GPATCH8: variants seen among roughly 807,000 people sequenced by gnomAD.
GPATCH8 encodes G patch domain-containing protein 8.
In GPATCH8, 18 loss-of-function variants were observed where a neutral mutation model predicts 118.3. The ratio of observed to expected loss-of-function variants is 0.15; its 90% confidence interval spans 0.11 to 0.23. The LOEUF is 0.23. GPATCH8 is among the 10% of genes least tolerant of loss of function. The pLI is 1.00. For missense variants in GPATCH8, 1,631 were observed against 1,873.8 expected (o/e 0.87, Z 2.39); for synonymous variants, 659 against 684.7 (o/e 0.96, Z 0.59).
At chr17:44,477,424 G>A (rs2144394443) in intron 1 of GPATCH8, among the ~76,000 whole-genome samples, 1 of 152,084 alleles carries the variant, frequency 6.6e-6, no homozygotes, top group East Asian at 1.9e-4. Context: ...TTTAAGAGAA[G>A]GGGGTCTCAC....
At chr17:44,433,598 G>A (rs2050394767) in intron 5 of GPATCH8, among the ~76,000 whole-genome samples, 2 of 152,158 alleles carry the variant, frequency 1.3e-5, no homozygotes, top group South Asian at 2.1e-4. Context: ...AAAACCCAAA[G>A]GAGAAAATTT....
chr17:44,447,650 G>A (rs1283691338), intron 3 of GPATCH8, among the ~76,000 whole-genome samples: 1 of 145,054 alleles, frequency 6.9e-6, no homozygotes, highest in Non-Finnish European at 1.5e-5. Context: ...ACAGGTTCTA[G>A]CTCTATGGCT....
At chr17:44,413,870 T>C (rs2049545470) in intron 6 of GPATCH8, among the ~76,000 whole-genome samples, 1 of 152,150 alleles carries the variant, frequency 6.6e-6, no homozygotes, top group East Asian at 1.9e-4. Flanking sequence ...TCTGCCCGCC[T>C]TGGATTCCCA....
intron 6 of GPATCH8, among the ~76,000 whole-genome samples, chr17:44,423,459 T>C (rs536761081): frequency 2.5e-3 from 382 of 152,260 alleles, no homozygotes; most frequent in African/African-American, 8.8e-3. Flanking sequence ...TGAAATCTTA[T>C]GGTTGGTGGA....
intron 1 of GPATCH8, among the ~76,000 whole-genome samples, chr17:44,479,838 G>A (rs1443184345): frequency 1.3e-5 from 2 of 151,846 alleles, no homozygotes; most frequent in Admixed American, 6.6e-5. Flanking sequence ...ATGGTGGTGC[G>A]TGCCTGTAAT....
rs147506796 is a variant in GPATCH8, at chr17:44,468,024, C to T, written c.121-3480G>A. ...CAGGATTTTTTTTTTTTTTTTGAGACGGAGTCTCACTCTGTAGCTCAGGCT... is the reference window on the plus strand; with the variant it reads ...CAGGATTTTTTTTTTTTTTTTGAGATGGAGTCTCACTCTGTAGCTCAGGCT... On this transcript the variant is annotated intron_variant, in intron 2 of 7. Coordinates refer to ENST00000591680, the MANE Select transcript of GPATCH8 (RefSeq NM_001002909.4). 1.2e-3 allele frequency among the ~76,000 whole-genome samples: 173 copies of T among 147,292 alleles called. 2 individuals carry two copies. The highest frequency in any genetic ancestry group is 4.2e-3 in the African/African-American group (169 of 39,968).
At chr17:44,440,835 T>C (rs2050664488) in intron 3 of GPATCH8, among the ~76,000 whole-genome samples, 1 of 151,686 alleles carries the variant, frequency 6.6e-6, no homozygotes, top group African/African-American at 2.4e-5. Context: ...GAAAGAACTC[T>C]TTTGTTGTTT....
At chr17:44,444,373 T>G (rs2050800248) in intron 3 of GPATCH8, among the ~76,000 whole-genome samples, 1 of 152,098 alleles carries the variant, frequency 6.6e-6, no homozygotes, top group Admixed American at 6.6e-5. Flanking sequence ...ATCAATTTGT[T>G]TTTTCAAATG....
intron 3 of GPATCH8, among the ~76,000 whole-genome samples, chr17:44,446,385 C>T (rs1431655809): frequency 2.6e-5 from 4 of 151,942 alleles, no homozygotes; most frequent in South Asian, 4.1e-4. Context: ...GCTAACACGG[C>T]GAAACCCAGT....
chr17:44,442,605 C>T (rs1364453595), intron 3 of GPATCH8, among the ~76,000 whole-genome samples: 5 of 152,158 alleles, frequency 3.3e-5, no homozygotes, highest in Non-Finnish European at 7.4e-5. Flanking sequence ...GCTGACACTA[C>T]AAGTGCCTGC....
At chr17:44,423,609 G>A (rs1379012567) in intron 6 of GPATCH8, among the ~76,000 whole-genome samples, 2 of 152,114 alleles carry the variant, frequency 1.3e-5, no homozygotes, top group African/African-American at 4.8e-5. Flanking sequence ...AGTCACCCAA[G>A]ATCAAATGGC....
At chr17:44,401,953 A>C (rs777301007) in intron 7 of GPATCH8, among the ~76,000 whole-genome samples, 6 of 151,558 alleles carry the variant, frequency 4.0e-5, no homozygotes, top group Non-Finnish European at 8.8e-5. Context: ...GCAGTGAGCC[A>C]AGATCACGCC....
intron 6 of GPATCH8, among the ~76,000 whole-genome samples, chr17:44,423,073 T>G (rs1458911781): frequency 6.6e-6 from 1 of 151,786 alleles, no homozygotes; most frequent in African/African-American, 2.4e-5. Context: ...TCGCCCCATC[T>G]CTACTAAAAA....
At chr17:44,496,889 T>C (rs561625309) in intron 1 of GPATCH8, among the ~76,000 whole-genome samples, 2 of 152,216 alleles carry the variant, frequency 1.3e-5, no homozygotes, top group East Asian at 1.9e-4. Context: ...TTAAGCACAT[T>C]TGCTTAGACC....
intron 3 of GPATCH8, among the ~76,000 whole-genome samples, chr17:44,444,722 G>A (rs1255223112): frequency 6.6e-6 from 1 of 151,842 alleles, no homozygotes; most frequent in Non-Finnish European, 1.5e-5. Flanking sequence ...GCAGTGAGCC[G>A]AGATCACACC....
At chr17:44,499,971 T>C (rs1313277147) in intron 1 of GPATCH8, among the ~76,000 whole-genome samples, 1 of 151,542 alleles carries the variant, frequency 6.6e-6, no homozygotes, top group Non-Finnish European at 1.5e-5. Context: ...ATATATCCTC[T>C]ATGACACAAT....
At chr17:44,458,791 T>G (rs1568019448) in intron 3 of GPATCH8, among the ~76,000 whole-genome samples, 1 of 152,214 alleles carries the variant, frequency 6.6e-6, no homozygotes, top group Non-Finnish European at 1.5e-5. Context: ...CCCAAAGTCC[T>G]GGGATTACAG....
At chr17:44,443,825 C>T (rs1027232986) in intron 3 of GPATCH8, among the ~76,000 whole-genome samples, 13 of 152,158 alleles carry the variant, frequency 8.5e-5, no homozygotes, top group Non-Finnish European at 1.5e-4. Context: ...CACACCACCA[C>T]ATGTGGCTAA....
intron 6 of GPATCH8, among the ~76,000 whole-genome samples, chr17:44,407,456 A>G (rs974979336): frequency 6.6e-6 from 1 of 152,218 alleles, no homozygotes; most frequent in Non-Finnish European, 1.5e-5. Context: ...TACAACATAT[A>G]TATGTGTACA....
Sources: allele counts gnomAD v4.1 joint callset (sites outside exome capture counted in the v4.1 genomes callset), GRCh38; gene constraint gnomAD v4.1.1; transcripts MANE v1.5; gene names NCBI Gene and HGNC (gene_info 2026-07-23, HGNC 2026-07-21).